The following NRG1 variants were observed in gnomAD, a reference collection of about 807,000 sequenced individuals.
The protein encoded by NRG1 is neuregulin 1.
NRG1 carries 18 observed loss-of-function variants against 63.8 expected under a neutral mutation model. That is an observed-to-expected ratio of 0.28 (90% CI 0.19 to 0.42). The LOEUF is 0.42. Among genes scored for constraint, NRG1 ranks in the 10% least tolerant of loss-of-function variants. NRG1 has a pLI of 1.00. For missense variants in NRG1, 762 were observed against 814.7 expected, an observed-to-expected ratio of 0.94 and a Z score of 0.79; for synonymous variants, 302 against 301.3, an observed-to-expected ratio of 1.00 and a Z score of -0.02.
chr8:32,323,498 C>T (rs758077579), intron 1 of NRG1, among the ~76,000 whole-genome samples: 1 of 152,230 alleles, frequency 6.6e-6, no homozygotes, highest in Non-Finnish European at 1.5e-5. Context: ...CCGCCCATCT[C>T]TTCCATCAGC....
chr8:32,281,906 C>G (rs1178843966), intron 1 of NRG1, among the ~76,000 whole-genome samples: 1 of 152,116 alleles, frequency 6.6e-6, no homozygotes, highest in Non-Finnish European at 1.5e-5. Flanking sequence ...CATATAAACA[C>G]AACAACGAAG....
At chr8:32,244,961 T>C (rs1214301637) in intron 1 of NRG1, among the ~76,000 whole-genome samples, 1 of 152,188 alleles carries the variant, frequency 6.6e-6, no homozygotes, top group Non-Finnish European at 1.5e-5. Flanking sequence ...GGAAAATCTT[T>C]CAGTTACACA....
chr8:32,499,744 C>T (rs1028502021), intron 1 of NRG1, among the ~76,000 whole-genome samples: 1 of 152,142 alleles, frequency 6.6e-6, no homozygotes, highest in South Asian at 2.1e-4. Flanking sequence ...ATAACAGGGG[C>T]AGTCTCAGTC....
intron 1 of NRG1, among the ~76,000 whole-genome samples, chr8:31,734,908 C>A (rs1814499234): frequency 6.6e-6 from 1 of 152,116 alleles, no homozygotes; most frequent in Non-Finnish European, 1.5e-5. Flanking sequence ...CCAGCCATCC[C>A]TATTATGACT....
At chr8:32,470,405 C>T (rs978350161) in intron 1 of NRG1, among the ~76,000 whole-genome samples, 2 of 151,640 alleles carry the variant, frequency 1.3e-5, no homozygotes, top group African/African-American at 4.8e-5. Flanking sequence ...GGGGTTTCAC[C>T]GTGTTAGCCA....
At chr8:32,284,321 AC>A (rs1018727027) in intron 1 of NRG1, among the ~76,000 whole-genome samples, 1 of 151,714 alleles carries the variant, frequency 6.6e-6, no homozygotes, top group African/African-American at 2.4e-5. Flanking sequence ...CCATCCACTG[AC>A]CCCACACTCT....
chr8:31,894,546 C>CTTTTTTTTTTTTTTTTTTT (rs370312165), intron 1 of NRG1, among the ~76,000 whole-genome samples: 1 of 98,068 alleles, frequency 1.0e-5, no homozygotes, highest in Non-Finnish European at 2.2e-5. Context: ...CTATTTCTTT[C>CTTTTTTTTTTTTTTTTTTT]TTTTTTCTTT....
chr8:31,762,471 G>A (rs904257429), intron 1 of NRG1, among the ~76,000 whole-genome samples: 3 of 152,178 alleles, frequency 2.0e-5, no homozygotes, highest in African/African-American at 7.2e-5. Context: ...CTGGTTCCAT[G>A]TCTTTGCTAT....
chr8:32,121,987 T>C (rs1033239410), intron 1 of NRG1, among the ~76,000 whole-genome samples: 3 of 152,040 alleles, frequency 2.0e-5, no homozygotes, highest in Non-Finnish European at 4.4e-5. Context: ...TTGCTACTTA[T>C]TTCCTTTATT....
intron 1 of NRG1, among the ~76,000 whole-genome samples, chr8:31,851,560 G>T (rs1827219946): frequency 6.6e-6 from 1 of 151,972 alleles, no homozygotes; most frequent in African/African-American, 2.4e-5. Context: ...TTTTTGCATT[G>T]TTGAAATTTG....
At chr8:31,639,508 C>G in intron 1 of NRG1, 2 of 1,519,394 alleles carry the variant, frequency 1.3e-6, no homozygotes, top group Non-Finnish European at 1.8e-6. Flanking sequence ...AACTCCGCCT[C>G]CAGGGCTCTC....
At chr8:32,138,730 C>T (rs1835869322) in intron 1 of NRG1, among the ~76,000 whole-genome samples, 1 of 151,880 alleles carries the variant, frequency 6.6e-6, no homozygotes, top group African/African-American at 2.4e-5. Context: ...GCGCAGCTAA[C>T]TTTCTTGTAT....
At chr8:32,290,618 C>T (rs770920980) in intron 1 of NRG1, among the ~76,000 whole-genome samples, 32 of 152,220 alleles carry the variant, frequency 2.1e-4, no homozygotes, top group Non-Finnish European at 4.1e-4. Flanking sequence ...CTTATGCCCA[C>T]GTGAAGTGAT....
At chr8:32,723,907 G>A (rs1293797389) in intron 5 of NRG1, among the ~76,000 whole-genome samples, 1 of 152,090 alleles carries the variant, frequency 6.6e-6, no homozygotes, top group Non-Finnish European at 1.5e-5. Context: ...TAGTCCCCCA[G>A]TTCTCAGCTA....
chr8:32,395,908 A>G (rs1014863443), intron 1 of NRG1, among the ~76,000 whole-genome samples: 15 of 152,172 alleles, frequency 9.9e-5, no homozygotes, highest in African/African-American at 3.6e-4. Flanking sequence ...ATTTTTATAT[A>G]TGGTGCAAGT....
intron 5 of NRG1, among the ~76,000 whole-genome samples, chr8:32,694,298 A>G (rs1424402198): frequency 6.6e-6 from 1 of 152,174 alleles, no homozygotes; most frequent in African/African-American, 2.4e-5. Context: ...TACTTTGCCA[A>G]TATTCTTATG....
At chr8:32,618,041 C>T (rs1847691964) in intron 5 of NRG1, among the ~76,000 whole-genome samples, 1 of 152,056 alleles carries the variant, frequency 6.6e-6, no homozygotes, top group African/African-American at 2.4e-5. Context: ...CTAGAAAGGG[C>T]CAAATTAGTT....
chr8:31,786,450 C>T (rs1820180024), intron 1 of NRG1, among the ~76,000 whole-genome samples: 1 of 152,156 alleles, frequency 6.6e-6, no homozygotes, highest in Admixed American at 6.5e-5. Context: ...AGCTGGGTGT[C>T]CTCTAATTCA....
intron 1 of NRG1, among the ~76,000 whole-genome samples, chr8:32,146,375 G>T (rs373209548): frequency 1.3e-5 from 2 of 152,130 alleles, no homozygotes; most frequent in Admixed American, 6.5e-5. Flanking sequence ...AAACTGTTTC[G>T]ATGAGAATTA....
Sources: allele counts gnomAD v4.1 joint callset (sites outside exome capture counted in the v4.1 genomes callset), GRCh38; gene constraint gnomAD v4.1.1; transcripts MANE v1.5; gene names NCBI Gene and HGNC (gene_info 2026-07-23, HGNC 2026-07-21).